Variants in MFAP3L observed in about 807,000 individuals in gnomAD.
The protein encoded by MFAP3L is microfibrillar-associated protein 3-like.
Under a neutral mutation model 20.0 loss-of-function variants are expected in MFAP3L, and 5 were observed. That is an observed-to-expected ratio of 0.25 (90% CI 0.13 to 0.53). The LOEUF is 0.53. Ranked by LOEUF, MFAP3L falls within the 20% of genes least tolerant of loss-of-function variation. The pLI is 0.96. For synonymous variants in MFAP3L, 219 were observed against 213.0 expected (o/e 1.03, Z -0.25); for missense variants, 409 against 527.5 (o/e 0.78, Z 2.20).
At chr4:169,996,651 C>T (rs1738190133) in intron 2 of MFAP3L, among the ~76,000 whole-genome samples, 1 of 152,168 alleles carries the variant, frequency 6.6e-6, no homozygotes, top group African/African-American at 2.4e-5. Flanking sequence ...AGAGAGAACA[C>T]TGTGAGCCGC....
chr4:170,017,569 G>A (rs1055979962), intron 1 of MFAP3L, among the ~76,000 whole-genome samples: 1 of 152,144 alleles, frequency 6.6e-6, no homozygotes, highest in African/African-American at 2.4e-5. Flanking sequence ...CAGGGCTCCT[G>A]TTACCTGCAC....
chr4:170,010,569 C>T (rs1038983340), intron 1 of MFAP3L, among the ~76,000 whole-genome samples: 54 of 152,296 alleles, frequency 3.5e-4, no homozygotes, highest in African/African-American at 1.0e-3. Context: ...AAGACATTTA[C>T]GATGATCCAC....
At chr4:170,007,718 C>G (rs1403285514) in intron 1 of MFAP3L, among the ~76,000 whole-genome samples, 2 of 152,018 alleles carry the variant, frequency 1.3e-5, no homozygotes, top group African/African-American at 4.8e-5. Context: ...TGCAGGGGCT[C>G]AAGTCTGAGA....
At chr4:169,996,366 C>T (rs756578484) in intron 2 of MFAP3L, among the ~76,000 whole-genome samples, 8 of 152,004 alleles carry the variant, frequency 5.3e-5, no homozygotes, top group Non-Finnish European at 1.0e-4. Context: ...AACTGTGTAC[C>T]AGGCTCCAAG....
intron 2 of MFAP3L, among the ~76,000 whole-genome samples, chr4:170,000,716 C>T (rs1177953508): frequency 6.6e-6 from 1 of 152,114 alleles, no homozygotes; most frequent in African/African-American, 2.4e-5. Context: ...ATTGTGTTTG[C>T]TACCATTTGA....
intron 2 of MFAP3L, chr4:169,997,799 A>ATTATTTT: frequency 1.0e-5 from 9 of 890,460 alleles, no homozygotes; most frequent in Non-Finnish European, 1.0e-5. Flanking sequence ...CCTTTCATTA[A>ATTATTTT]TTCTTTTTTT....
In MFAP3L at chr4:169,990,300, T is replaced by C. The variant is rs1737567059; in HGVS notation, c.*1078A>G. On this transcript the variant is annotated 3_prime_UTR_variant, in exon 3 of 3. Coordinates refer to ENST00000361618, the MANE Select transcript of MFAP3L (RefSeq NM_021647.8). ...TTCCCTTTGCTATTACCCTAACCTT[T>C]CGCTTTCCTCTTTAAGGACAACCAA... The C allele has an allele frequency of 6.6e-6, 1 of 152,234 alleles. No homozygotes were observed. The highest frequency in any genetic ancestry group is 1.5e-5 in the Non-Finnish European group (1 of 68,042). 9.4% of individuals were successfully genotyped at this position (152,234 alleles called of 1,614,324 possible).
At chr4:170,002,217 C>T in intron 2 of MFAP3L, 1 of 985,286 alleles carries the variant, frequency 1.0e-6, no homozygotes, top group Non-Finnish European at 1.2e-6. Flanking sequence ...ACATTTTTCA[C>T]CTACAGGACC....
chr4:170,012,940 G>A (rs1009197917), intron 1 of MFAP3L, among the ~76,000 whole-genome samples: 1 of 152,072 alleles, frequency 6.6e-6, no homozygotes, highest in African/African-American at 2.4e-5. Flanking sequence ...GGCCTCTACA[G>A]AATTTTATTT....
chr4:170,005,273 A>G, intron 2 of MFAP3L: 1 of 409,146 alleles, frequency 2.4e-6, no homozygotes. Flanking sequence ...AAAATTGAAT[A>G]TATTATTTAG....
chr4:170,015,509 G>A (rs977230853), intron 1 of MFAP3L, among the ~76,000 whole-genome samples: 3 of 152,182 alleles, frequency 2.0e-5, no homozygotes, highest in African/African-American at 4.8e-5. Flanking sequence ...TGTGCGCCAC[G>A]CAGCCTGTGA....
chr4:170,005,558 T>C (rs780147070), intron 2 of MFAP3L, 22 bp downstream of exon 2: 4 of 1,606,130 alleles, frequency 2.5e-6, no homozygotes, highest in East Asian at 2.2e-5. Flanking sequence ...ATTATGACAT[T>C]TGATACAACT....
intron 2 of MFAP3L, among the ~76,000 whole-genome samples, chr4:169,998,607 T>A (rs894934020): frequency 2.0e-5 from 3 of 151,968 alleles, no homozygotes; most frequent in Non-Finnish European, 2.9e-5. Flanking sequence ...AAAAAAAAAA[T>A]TATACCCAAA....
chr4:169,994,194 T>TTCTCCA, intron 2 of MFAP3L: 3 of 985,394 alleles, frequency 3.0e-6, no homozygotes, highest in Non-Finnish European at 3.6e-6. Context: ...TTCTCATATT[T>TTCTCCA]ACCTTCCTTT....
At chr4:169,998,677 C>T (rs766055378) in intron 2 of MFAP3L, among the ~76,000 whole-genome samples, 12 of 152,082 alleles carry the variant, frequency 7.9e-5, no homozygotes, top group East Asian at 7.7e-4. Flanking sequence ...CAGTGATGGA[C>T]GTATGGTTTG....
chr4:170,023,011 G>C (rs1489057947), intron 1 of MFAP3L, among the ~76,000 whole-genome samples: 1 of 152,170 alleles, frequency 6.6e-6, no homozygotes, highest in African/African-American at 2.4e-5. Context: ...CACCTTTGGT[G>C]GGGGGCATTA....
intron 1 of MFAP3L, among the ~76,000 whole-genome samples, chr4:170,019,156 G>A (rs749153597): frequency 3.9e-5 from 6 of 152,210 alleles, no homozygotes; most frequent in Non-Finnish European, 7.3e-5. Flanking sequence ...TTGCAGGGGC[G>A]TCTGGCCTTT....
At chr4:170,015,967 C>T (rs954312965) in intron 1 of MFAP3L, among the ~76,000 whole-genome samples, 1 of 152,080 alleles carries the variant, frequency 6.6e-6, no homozygotes, top group Non-Finnish European at 1.5e-5. Flanking sequence ...CTTCATTTCA[C>T]TTGATAATTC....
rs1301328413 is a variant in MFAP3L, at chr4:169,992,425, G to A, written c.299-116C>T. The stretch of plus-strand genomic sequence containing the variant: ...TATGAAGAACATCTATGAAGTCTAT[G>A]AACGTCGACTTCACATGCTTACTAT... On this transcript the variant is annotated intron_variant, in intron 2 of 2. Transcript: ENST00000361618. The surrounding 1 kb of genome is among the most constrained non-coding windows in gnomAD (Gnocchi z 4.3). The A allele has an allele frequency of 2.2e-6, 2 of 912,160 alleles. No individual in the cohort carries two copies. Among genetic ancestry groups the A allele is most frequent in the East Asian group, 2.5e-5 (1 of 40,042 alleles). The allele number at this position is 912,160 out of a possible 1,614,324, so 56.5% of individuals were successfully genotyped here.
Sources: gnomAD v4.1 joint callset for allele counts (sites outside exome capture counted in the v4.1 genomes callset) on GRCh38, gnomAD v4.1.1 for gene constraint, Gnocchi (gnomAD v3.1) non-coding constraint, MANE v1.5 for transcripts, NCBI Gene and HGNC (gene_info 2026-07-23, HGNC 2026-07-21) for gene names.